Variants in BTBD8 observed in about 807,000 individuals in gnomAD.
The protein encoded by BTBD8 is BTB/POZ domain-containing protein 8.
In BTBD8, 110 loss-of-function variants were observed where a neutral mutation model predicts 162.9. That is an observed-to-expected ratio of 0.68 (90% CI 0.58 to 0.79). The LOEUF (loss-of-function observed/expected upper bound fraction) is 0.79. Ranked by LOEUF, BTBD8 falls within the 30% of genes least tolerant of loss-of-function variation. The pLI, the probability that BTBD8 is intolerant of heterozygous loss-of-function variation, is 0.00. For synonymous variants in BTBD8, 667 were observed against 716.1 expected, an observed-to-expected ratio of 0.93 and a Z score of 1.10; for missense variants, 1,905 against 2,085.4, an observed-to-expected ratio of 0.91 and a Z score of 1.68.
intron 12 of BTBD8, among the ~76,000 whole-genome samples, chr1:92,169,444 G>T (rs566614022): frequency 1.3e-5 from 2 of 152,166 alleles, no homozygotes; most frequent in South Asian, 4.1e-4. Context: ...ACAACTGATT[G>T]GTTCAATGAT....
rs986451792 is a variant in BTBD8, at chr1:92,178,331, G to A, written c.2461G>A (p.Gly821Ser). 7.7e-6 allele frequency: 12 copies of A among 1,550,730 alleles called. No individual in the cohort carries two copies. In the East Asian group the frequency reaches 2.0e-4, roughly 25 times the overall value. ...VNNSVLKKVS[G>S]KGCSEPVPQA... ...TTTTAGTGTACTAAAGAAAGTCAGT[G>A]GCAAAGGATGTAGTGAGCCAGTACC... Residue 821 changes from glycine (G) to serine (S), a missense_variant, in exon 16 of 18, where the codon GGC becomes AGC. Around this residue, in one of 3 missense-constraint regions of BTBD8, gnomAD observed 1,374 missense variants for 1,442.7 expected, o/e 0.95. Transcript: ENST00000636805.
At chr1:92,116,120 G>A (rs1649037864) in intron 4 of BTBD8, among the ~76,000 whole-genome samples, 1 of 151,990 alleles carries the variant, frequency 6.6e-6, no homozygotes, top group Non-Finnish European at 1.5e-5. Flanking sequence ...CTAGACGTAT[G>A]TTTAATTTCA....
chr1:92,112,497 G>A (rs1477992176), intron 4 of BTBD8, among the ~76,000 whole-genome samples: 1 of 152,158 alleles, frequency 6.6e-6, no homozygotes, highest in Non-Finnish European at 1.5e-5. Context: ...TTAAAAAAAA[G>A]ATGGGCCTTA....
chr1:92,165,491 A>T (rs1229092253), intron 9 of BTBD8, among the ~76,000 whole-genome samples: 1 of 151,318 alleles, frequency 6.6e-6, no homozygotes, highest in East Asian at 1.9e-4. Context: ...GGGAAGATGT[A>T]GTGCTTCTGG....
At position 92,177,041 on chromosome 1, in the gene BTBD8, A is replaced by G; in HGVS notation, c.1848A>G (p.Ala616=). ...AGGAAAAAGATGGTACAAAAATAGC[A>G]TCTAAGATTACAAAAGAACTAAAAA... ...DVKEKDGTKI[A]SKITKELKTG... is the part of the protein sequence containing the mutation. The change falls in exon 14 of 18, where the codon GCA becomes GCG. Residue 616 remains alanine (A), a synonymous_variant. Coordinates refer to ENST00000636805, the MANE Select transcript of BTBD8 (RefSeq NM_001376131.1). The G allele has an allele frequency of 6.4e-7, 1 of 1,550,718 alleles. No individual in the cohort carries two copies. The highest frequency in any genetic ancestry group is 8.7e-7 in the Non-Finnish European group (1 of 1,146,550).
In BTBD8 at chr1:92,177,391, G is replaced by C; in HGVS notation, c.2198G>C (p.Ser733Thr). Reference sequence around the variant, plus strand: ...CCCTCCAGCAGATCCACAGATTCAAGTATGGAATTCTCAATTTCCACTGAA... The same window carrying C: ...CCCTCCAGCAGATCCACAGATTCAACTATGGAATTCTCAATTTCCACTGAA... Reference protein sequence around the residue: ...AGPSSRSTDSSMEFSISTECL... With the variant: ...AGPSSRSTDSTMEFSISTECL... The change falls in exon 14 of 18, where the codon AGT becomes ACT. Residue 733 changes from serine to threonine, a missense_variant. Transcript: ENST00000636805. The C allele has an allele frequency of 6.4e-7, 1 of 1,551,710 alleles. No homozygotes were observed. The highest frequency in any genetic ancestry group is 8.7e-7 in the Non-Finnish European group (1 of 1,147,000).
Position 92,182,119 on chromosome 1 carries a change from A to G in BTBD8, c.4436A>G (p.His1479Arg). 6.4e-7 allele frequency: 1 copy of G among 1,551,582 alleles called. No individual in the cohort carries two copies. The highest frequency in any genetic ancestry group is 8.7e-7 in the Non-Finnish European group (1 of 1,146,930). ...GTTTTTGATGGCATTTCTCATGAAC[A>G]TCATGGAAGGACCTGCTATTCCAGA... ...SDVFDGISHEHHGRTCYSRFS... is the reference protein window; with the variant it reads ...SDVFDGISHERHGRTCYSRFS... Residue 1479 changes from histidine to arginine, a missense_variant, in exon 17 of 18, where the codon CAT becomes CGT. This residue lies in a region of BTBD8 where 517 missense variants were observed against 606.6 expected (regional missense o/e 0.85). Transcript: ENST00000636805.
At chr1:92,141,330 C>T in intron 7 of BTBD8, 119 bp downstream of exon 7, 1 of 1,004,572 alleles carries the variant, frequency 1.0e-6, no homozygotes, top group Non-Finnish European at 1.4e-6. Flanking sequence ...GTAAATTTAA[C>T]TAATGAGAAC....
At chr1:92,176,552 A>G (rs1355690897) in intron 13 of BTBD8, among the ~76,000 whole-genome samples, 3 of 152,202 alleles carry the variant, frequency 2.0e-5, no homozygotes, top group Non-Finnish European at 1.5e-5. Context: ...TCAAAACTTC[A>G]TACATTAAAA....
chr1:92,084,562 T>C lies in BTBD8; in HGVS notation c.149+3842T>C, dbSNP rs1301703116. 2.0e-5 allele frequency among the ~76,000 whole-genome samples: 3 copies of C among 152,316 alleles called. 1 individual carries two copies. Among genetic ancestry groups the C allele is most frequent in the African/African-American group, 4.8e-5 (2 of 41,576 alleles). On this transcript the variant is annotated intron_variant, in intron 1 of 17. Coordinates refer to ENST00000636805, the MANE Select transcript of BTBD8 (RefSeq NM_001376131.1). ...AAGGGGGTTAAGTGAAAATGCTGTA[T>C]AAACTTCCATGCTGTTTGCAAGGGT...
intron 6 of BTBD8, chr1:92,139,677 A>G: frequency 3.0e-6 from 2 of 676,946 alleles, no homozygotes; most frequent in Non-Finnish European, 3.9e-6. Context: ...AGAAGAAGCT[A>G]TAAATTATGG....
intron 3 of BTBD8, 94 bp downstream of exon 3, chr1:92,102,763 C>T: frequency 8.4e-7 from 1 of 1,183,722 alleles, no homozygotes; most frequent in Non-Finnish European, 1.1e-6. Flanking sequence ...ATATGCTTTA[C>T]TGATTTTTTT....
chr1:92,171,578 A>C, intron 13 of BTBD8, 118 bp downstream of exon 13: 1 of 636,548 alleles, frequency 1.6e-6, no homozygotes, highest in Non-Finnish European at 2.4e-6. Context: ...GCTATTTCTT[A>C]ATGGAAAATT....
chr1:92,116,902 T>A (rs1570727077), intron 4 of BTBD8, among the ~76,000 whole-genome samples: 1 of 150,670 alleles, frequency 6.6e-6, no homozygotes, highest in African/African-American at 2.5e-5. Context: ...CAGGCTGGAG[T>A]GCAGTGATAC....
intron 9 of BTBD8, among the ~76,000 whole-genome samples, chr1:92,162,561 C>G (rs975492140): frequency 6.6e-6 from 1 of 152,174 alleles, no homozygotes; most frequent in Non-Finnish European, 1.5e-5. Context: ...TGTTTAAATG[C>G]AGATTCTAAT....
At chr1:92,096,898 C>T (rs1026270707) in intron 2 of BTBD8, among the ~76,000 whole-genome samples, 3 of 152,140 alleles carry the variant, frequency 2.0e-5, no homozygotes, top group Non-Finnish European at 4.4e-5. Flanking sequence ...TTATTTTATA[C>T]TTCCTCTTTC....
At chr1:92,132,926 A>G (rs1649546449) in intron 5 of BTBD8, among the ~76,000 whole-genome samples, 1 of 152,164 alleles carries the variant, frequency 6.6e-6, no homozygotes, top group Non-Finnish European at 1.5e-5. Flanking sequence ...GGTTTCATCT[A>G]TACCCTTTAT....
At position 92,182,421 on chromosome 1, in the gene BTBD8, C is replaced by G. The variant is rs756471779; in HGVS notation, c.4738C>G (p.Gln1580Glu). Residue 1580 changes from glutamine (Q) to glutamate (E), a missense_variant, in exon 17 of 18, where the codon CAA (glutamine) becomes GAA (glutamate). Transcript: ENST00000636805. ...SKFLDSDVKS[Q>E]ERPCHLDLHQ... The stretch of plus-strand genomic sequence containing the variant: ...ATTCTTGGATAGTGATGTAAAATCT[C>G]AAGAAAGACCATGTCACTTGGATCT... 3 of 1,550,692 alleles carry G rather than the reference C, an allele frequency of 1.9e-6. No individual in the cohort carries two copies. Among genetic ancestry groups the G allele is most frequent in the African/African-American group, 2.7e-5 (2 of 72,970 alleles).
intron 6 of BTBD8, among the ~76,000 whole-genome samples, chr1:92,140,215 A>G: frequency 6.6e-6 from 1 of 151,758 alleles, no homozygotes; most frequent in South Asian, 2.1e-4. Flanking sequence ...TGAGCCCAGT[A>G]GATCGAGATC....
Sources: gnomAD v4.1 joint callset for allele counts (sites outside exome capture counted in the v4.1 genomes callset) on GRCh38, gnomAD v4.1.1 for gene constraint, gnomAD v4.1.1 regional missense constraint, MANE v1.5 for transcripts, NCBI Gene and HGNC (gene_info 2026-07-23, HGNC 2026-07-21) for gene names.